HOMER2: variants seen among roughly 807,000 people sequenced by gnomAD.
HOMER2 encodes the protein homer scaffold protein 2, also known as homer protein homolog 2.
In HOMER2, 27 loss-of-function variants were observed where a neutral mutation model predicts 47.0. The ratio of observed to expected loss-of-function variants is 0.57; its 90% confidence interval spans 0.42 to 0.79. The LOEUF is 0.79. Among genes scored for constraint, HOMER2 ranks in the 30% least tolerant of loss-of-function variants. The pLI is 0.00. For missense variants in HOMER2, 443 were observed against 435.0 expected, an observed-to-expected ratio of 1.02 and a Z score of -0.16; for synonymous variants, 161 against 163.8, an observed-to-expected ratio of 0.98 and a Z score of 0.13.
chr15:82,965,301 G>A (rs1487807624), intron 1 of HOMER2, among the ~76,000 whole-genome samples: 1 of 152,178 alleles, frequency 6.6e-6, no homozygotes, highest in Non-Finnish European at 1.5e-5. Context: ...TTACAGGCAT[G>A]AGCCACTGTG....
intron 1 of HOMER2, among the ~76,000 whole-genome samples, chr15:82,904,688 G>A (rs1046964373): frequency 3.3e-5 from 5 of 152,154 alleles, no homozygotes; most frequent in African/African-American, 4.8e-5. Context: ...TAAGCGGAGA[G>A]AAAATAATTG....
chr15:82,951,828 T>C (rs1567073344), intron 1 of HOMER2, among the ~76,000 whole-genome samples: 1 of 152,228 alleles, frequency 6.6e-6, no homozygotes. Context: ...AGTGAGCAGA[T>C]GTAAGGAGTT....
chr15:82,912,789 T>A (rs149327542), intron 1 of HOMER2, among the ~76,000 whole-genome samples: 3 of 152,072 alleles, frequency 2.0e-5, no homozygotes, highest in Non-Finnish European at 4.4e-5. Flanking sequence ...TCCTACTGGG[T>A]GTGAAGTGAA....
exon 2 of HOMER2, chr15:82,841,578 T>C (rs1312381833): frequency 6.6e-6 from 1 of 152,204 alleles, no homozygotes; most frequent in Non-Finnish European, 1.5e-5. Flanking sequence ...CACAATTATG[T>C]AAATGTTTTT....
chr15:82,880,073 T>C (rs1271759353), intron 2 of HOMER2, among the ~76,000 whole-genome samples: 1 of 152,134 alleles, frequency 6.6e-6, no homozygotes, highest in Non-Finnish European at 1.5e-5. Flanking sequence ...CAGGTAAAAC[T>C]GAATAACAGA....
intron 1 of HOMER2, among the ~76,000 whole-genome samples, chr15:82,962,364 CAAAAAA>C (rs34651312): frequency 2.3e-5 from 1 of 44,288 alleles, no homozygotes; most frequent in Non-Finnish European, 4.8e-5. Context: ...GACTCCGTCT[CAAAAAA>C]AAAAAAAAAA....
chr15:82,866,100 A>G (rs1280564847), intron 3 of HOMER2, among the ~76,000 whole-genome samples: 2 of 152,186 alleles, frequency 1.3e-5, no homozygotes, highest in Non-Finnish European at 2.9e-5. Context: ...AGCCACAGAC[A>G]TTCAATGCCG....
At chr15:82,943,513 T>C (rs961304637) in intron 1 of HOMER2, among the ~76,000 whole-genome samples, 1 of 152,206 alleles carries the variant, frequency 6.6e-6, no homozygotes, top group Non-Finnish European at 1.5e-5. Context: ...CTTTTCCCCA[T>C]GAGGACTCTC....
At chr15:82,949,863 A>G (rs934401752) in intron 1 of HOMER2, among the ~76,000 whole-genome samples, 1 of 152,232 alleles carries the variant, frequency 6.6e-6, no homozygotes, top group Non-Finnish European at 1.5e-5. Context: ...ACGCAGATAC[A>G]GAACATTTCC....
chr15:82,848,336 A>AGG (rs2051284349), downstream of HOMER2, among the ~76,000 whole-genome samples: 1 of 152,132 alleles, frequency 6.6e-6, no homozygotes, highest in African/African-American at 2.4e-5. Flanking sequence ...TGGTTCTCAA[A>AGG]GGGGTGAGGG....
exon 2 of HOMER2, chr15:82,839,741 G>C (rs543493254): frequency 1.3e-5 from 2 of 152,254 alleles, no homozygotes; most frequent in South Asian, 4.1e-4. Context: ...TAGCCTTAAT[G>C]AATCAAGTAA....
intron 3 of HOMER2, among the ~76,000 whole-genome samples, chr15:82,871,278 G>A (rs1173825872): frequency 2.6e-5 from 4 of 152,216 alleles, no homozygotes; most frequent in East Asian, 3.8e-4. Context: ...TCTTTCTGGG[G>A]GGTAGAGAGG....
chr15:82,959,151 C>T (rs1043578281), exon 2 of HOMER2: 1 of 152,392 alleles, frequency 6.6e-6, no homozygotes, highest in African/African-American at 2.4e-5. Context: ...AACTAAGCCT[C>T]GCCGTGTCTG....
intron 1 of HOMER2, among the ~76,000 whole-genome samples, chr15:82,976,354 G>A (rs2030200972): frequency 6.6e-6 from 1 of 151,328 alleles, no homozygotes; most frequent in African/African-American, 2.4e-5. Context: ...CTGGAGTGCA[G>A]TGGTGCAATC....
At chr15:82,945,051 A>T (rs888012697) in intron 1 of HOMER2, among the ~76,000 whole-genome samples, 1 of 152,148 alleles carries the variant, frequency 6.6e-6, no homozygotes, top group Non-Finnish European at 1.5e-5. Context: ...AACAACGATG[A>T]ATCCTTGATG....
intron 1 of HOMER2, among the ~76,000 whole-genome samples, chr15:82,961,892 T>C (rs977401624): frequency 6.6e-6 from 1 of 152,046 alleles, no homozygotes; most frequent in African/African-American, 2.4e-5. Context: ...GCCTCCCAAG[T>C]AGCTGGGATT....
chr15:82,940,165 T>C (rs1053105273), intron 1 of HOMER2, among the ~76,000 whole-genome samples: 1 of 152,004 alleles, frequency 6.6e-6, no homozygotes, highest in Non-Finnish European at 1.5e-5. Flanking sequence ...CATGTATACA[T>C]ATGTAACAAA....
At chr15:82,932,021 T>C (rs1163484465) in intron 1 of HOMER2, among the ~76,000 whole-genome samples, 1 of 152,032 alleles carries the variant, frequency 6.6e-6, no homozygotes. Context: ...ACACACTGGG[T>C]GAGGGGAAGA....
chr15:82,912,710 TG>T (rs2053483754), intron 1 of HOMER2, among the ~76,000 whole-genome samples: 1 of 152,210 alleles, frequency 6.6e-6, no homozygotes, highest in African/African-American at 2.4e-5. Flanking sequence ...CCACCAGCAA[TG>T]TATAAGCGTT....
Sources: allele counts gnomAD v4.1 joint callset (sites outside exome capture counted in the v4.1 genomes callset), GRCh38; gene constraint gnomAD v4.1.1; transcripts MANE v1.5; gene names NCBI Gene and HGNC (gene_info 2026-07-23, HGNC 2026-07-21).